ZNF385D: variants seen among roughly 807,000 people sequenced by gnomAD.
The protein encoded by ZNF385D is zinc finger protein 659.
In ZNF385D, 15 loss-of-function variants were observed where a neutral mutation model predicts 35.8. The observed-to-expected ratio is 0.42, with a 90% CI of 0.28 to 0.64. The LOEUF is 0.64. ZNF385D is among the 30% of genes least tolerant of loss of function. The pLI is 0.23. For missense variants in ZNF385D, 474 were observed against 494.6 expected, an observed-to-expected ratio of 0.96 and a Z score of 0.39; for synonymous variants, 212 against 186.8, an observed-to-expected ratio of 1.13 and a Z score of -1.10.
chr3:21,930,047 T>A (rs1179677920), intron 3 of ZNF385D, among the ~76,000 whole-genome samples: 1 of 152,076 alleles, frequency 6.6e-6, no homozygotes, highest in Admixed American at 6.6e-5. Context: ...CAAAACTTGC[T>A]ACAAAGCTAC....
intron 2 of ZNF385D, among the ~76,000 whole-genome samples, chr3:22,188,218 T>G (rs1011763122): frequency 6.6e-6 from 1 of 152,160 alleles, no homozygotes; most frequent in East Asian, 1.9e-4. Context: ...TTTATTTTAG[T>G]AAGTAAAATG....
chr3:21,993,217 T>A (rs71312018), intron 3 of ZNF385D, among the ~76,000 whole-genome samples: 16,145 of 152,232 alleles, frequency 0.11, 1,145 homozygotes, highest in South Asian at 0.24. Flanking sequence ...TCGGCCTCCT[T>A]CTTGCATGCA....
chr3:22,247,896 C>A (rs1256537262), intron 2 of ZNF385D, among the ~76,000 whole-genome samples: 2 of 152,080 alleles, frequency 1.3e-5, no homozygotes, highest in Non-Finnish European at 2.9e-5. Context: ...AGCCACCACG[C>A]CCGGCCTACA....
At position 22,246,144 on chromosome 3, in the gene ZNF385D, T is replaced by C. The variant is rs1169391758; in HGVS notation, c.107-77109A>G. Among the ~76,000 whole-genome samples the C allele has an allele frequency of 3.5e-4, 54 of 152,178 alleles. 2 individuals carry two copies. Among genetic ancestry groups the C allele is most frequent in the Admixed American group, 3.5e-3 (54 of 15,256 alleles). On this transcript the variant is annotated intron_variant, in intron 2 of 5. Coordinates refer to the ZNF385D transcript ENST00000494108. ...TTAAATGCAAACTTTTATTCAAGCA[T>C]TTGAATACAACTATTTTAATACTTC... is the stretch of plus-strand genomic sequence containing the variant.
intron 3 of ZNF385D, among the ~76,000 whole-genome samples, chr3:21,847,261 T>G (rs1696070128): frequency 6.6e-6 from 1 of 152,082 alleles, no homozygotes; most frequent in Non-Finnish European, 1.5e-5. Context: ...ACTTTTTTAG[T>G]TATTTGAATG....
chr3:22,282,617 T>C (rs1467657109), intron 2 of ZNF385D, among the ~76,000 whole-genome samples: 44 of 152,124 alleles, frequency 2.9e-4, no homozygotes. Flanking sequence ...ATTTTGATTT[T>C]CTTAAATTTG....
At chr3:22,185,950 C>T (rs1396085855) in intron 2 of ZNF385D, among the ~76,000 whole-genome samples, 2 of 152,132 alleles carry the variant, frequency 1.3e-5, no homozygotes, top group Non-Finnish European at 2.9e-5. Context: ...CAGAAGGTGG[C>T]ATGAAAGGGT....
intron 2 of ZNF385D, among the ~76,000 whole-genome samples, chr3:22,206,092 T>A (rs1332798635): frequency 6.6e-6 from 1 of 151,906 alleles, no homozygotes; most frequent in Non-Finnish European, 1.5e-5. Flanking sequence ...AAAAAGATAT[T>A]ATCTGCAAAT....
chr3:21,908,871 T>G (rs1699824813), intron 3 of ZNF385D, among the ~76,000 whole-genome samples: 1 of 152,124 alleles, frequency 6.6e-6, no homozygotes, highest in Admixed American at 6.6e-5. Context: ...CAATTTCAGC[T>G]GTTAAAAATG....
intron 4 of ZNF385D, among the ~76,000 whole-genome samples, chr3:21,488,098 G>C (rs1705164962): frequency 6.6e-6 from 1 of 151,968 alleles, no homozygotes; most frequent in Non-Finnish European, 1.5e-5. Flanking sequence ...TGGTTGAATA[G>C]TCCCTTTTGG....
At chr3:21,523,529 T>C (rs1431628989) in intron 3 of ZNF385D, among the ~76,000 whole-genome samples, 1 of 152,168 alleles carries the variant, frequency 6.6e-6, no homozygotes, top group Non-Finnish European at 1.5e-5. Flanking sequence ...GCATCACTCT[T>C]CTGAGGGTCT....
chr3:22,323,287 G>T (rs1199420610), intron 2 of ZNF385D, among the ~76,000 whole-genome samples: 1 of 152,062 alleles, frequency 6.6e-6, no homozygotes, highest in Non-Finnish European at 1.5e-5. Context: ...ACTCCCTGTT[G>T]CTGGTATATA....
At chr3:21,741,841 C>G (rs915104858) in intron 1 of ZNF385D, among the ~76,000 whole-genome samples, 1 of 152,132 alleles carries the variant, frequency 6.6e-6, no homozygotes, top group African/African-American at 2.4e-5. Context: ...AGGGTTCCTG[C>G]CCTGCTCGCT....
chr3:21,886,302 G>T (rs1698543405), intron 3 of ZNF385D, among the ~76,000 whole-genome samples: 1 of 151,910 alleles, frequency 6.6e-6, no homozygotes, highest in African/African-American at 2.4e-5. Context: ...GATGTGTCTT[G>T]TACTTAATTC....
chr3:21,546,736 C>A (rs1351749151), intron 3 of ZNF385D, among the ~76,000 whole-genome samples: 1 of 151,970 alleles, frequency 6.6e-6, no homozygotes, highest in East Asian at 1.9e-4. Context: ...ATAAAGGCCA[C>A]GTTAATATCC....
At chr3:21,476,764 C>G (rs1297818438) in intron 4 of ZNF385D, among the ~76,000 whole-genome samples, 1 of 152,022 alleles carries the variant, frequency 6.6e-6, no homozygotes, top group African/African-American at 2.4e-5. Context: ...ATTTTTATCT[C>G]CTTTCATTAT....
chr3:22,208,717 T>A (rs1214893473), intron 2 of ZNF385D, among the ~76,000 whole-genome samples: 4 of 150,614 alleles, frequency 2.7e-5, no homozygotes, highest in Non-Finnish European at 4.4e-5. Context: ...AAGTAAAAAT[T>A]AAAAAAAAAA....
chr3:21,948,059 T>C (rs1177784775), intron 3 of ZNF385D, among the ~76,000 whole-genome samples: 1 of 152,182 alleles, frequency 6.6e-6, no homozygotes, highest in African/African-American at 2.4e-5. Context: ...ATTCTGGACT[T>C]TCTGTTATAA....
chr3:22,264,216 G>A (rs1469833386), intron 2 of ZNF385D, among the ~76,000 whole-genome samples: 1 of 151,962 alleles, frequency 6.6e-6, no homozygotes, highest in Admixed American at 6.6e-5. Context: ...GACAAAGTGA[G>A]GCTGGTAATA....
Sources: gnomAD v4.1 joint callset for allele counts (sites outside exome capture counted in the v4.1 genomes callset) on GRCh38, gnomAD v4.1.1 for gene constraint, MANE v1.5 for transcripts, NCBI Gene and HGNC (gene_info 2026-07-23, HGNC 2026-07-21) for gene names.